The following STPG2 variants were observed in gnomAD, a reference collection of about 807,000 sequenced individuals.
The protein encoded by STPG2 is sperm tail PG-rich repeat containing 2.
Under a neutral mutation model 54.2 loss-of-function variants are expected in STPG2, and 56 were observed. The ratio of observed to expected loss-of-function variants is 1.03; its 90% CI spans 0.83 to 1.29. The LOEUF (loss-of-function observed/expected upper bound fraction) is 1.29, where lower values mean the gene tolerates loss of function less well. Ranked by LOEUF, STPG2 falls within the 50% of genes most tolerant of loss-of-function variation. STPG2 has a pLI of 0.00. For synonymous variants in STPG2, 200 were observed against 181.8 expected, an observed-to-expected ratio of 1.10 and a Z score of -0.81; for missense variants, 596 against 544.9, an observed-to-expected ratio of 1.09 and a Z score of -0.93.
At chr4:97,892,241 C>A (rs1283486219) in intron 8 of STPG2, among the ~76,000 whole-genome samples, 2 of 152,034 alleles carry the variant, frequency 1.3e-5, no homozygotes, top group Non-Finnish European at 2.9e-5. Context: ...ACAATAAGTC[C>A]ATTTTTAAGA....
At chr4:97,533,445 T>C (rs1731460693) in intron 4 of STPG2, among the ~76,000 whole-genome samples, 1 of 152,088 alleles carries the variant, frequency 6.6e-6, no homozygotes, top group African/African-American at 2.4e-5. Flanking sequence ...AAGTGTAGTT[T>C]ATATATAATA....
chr4:97,492,505 CAT>C (rs1730523159), intron 4 of STPG2, among the ~76,000 whole-genome samples: 1 of 151,452 alleles, frequency 6.6e-6, no homozygotes, highest in Non-Finnish European at 1.5e-5. Context: ...AACATTTAAA[CAT>C]AGAATCCAAC....
chr4:97,722,133 G>T (rs1451101925), intron 9 of STPG2, among the ~76,000 whole-genome samples: 1 of 149,728 alleles, frequency 6.7e-6, no homozygotes, highest in Non-Finnish European at 1.5e-5. Flanking sequence ...CTTTGCTTCA[G>T]CAAATACTGA....
intron 5 of STPG2, among the ~76,000 whole-genome samples, chr4:98,075,177 C>G (rs1192055715): frequency 2.6e-5 from 4 of 152,110 alleles, no homozygotes; most frequent in African/African-American, 9.7e-5. Flanking sequence ...TTCTGTCTTC[C>G]CAGGAGCACC....
chr4:97,692,013 C>T (rs1258949176), intron 10 of STPG2, among the ~76,000 whole-genome samples: 4 of 151,878 alleles, frequency 2.6e-5, no homozygotes, highest in Non-Finnish European at 5.9e-5. Flanking sequence ...CCCTATGGGA[C>T]AAAAAGACAA....
Position 98,109,273 on chromosome 4 carries a change from A to G in STPG2, c.420T>C (p.Gly140=), listed in dbSNP as rs1174715784. 1.9e-6 allele frequency: 3 copies of G among 1,609,516 alleles called. No individual in the cohort carries two copies. The African/African-American group carries it at 4.0e-5, about 22-fold the overall frequency. The part of the protein sequence containing the change: ...DVSNATLKYK[G]IHFGNSSGRQ... The stretch of plus-strand genomic sequence containing the variant: ...TTCCTGAAGAGTTGCCAAAATGTAT[A>G]CCTTTGTATTTCAAAGTTGCATTGG... Residue 140 remains glycine (G), a synonymous_variant, in exon 4 of 11, where the codon GGT becomes GGC. Coordinates refer to ENST00000295268, the MANE Select transcript of STPG2 (RefSeq NM_174952.3).
intron 9 of STPG2, among the ~76,000 whole-genome samples, chr4:97,773,461 G>A (rs1340452758): frequency 1.3e-5 from 2 of 151,964 alleles, no homozygotes; most frequent in Non-Finnish European, 2.9e-5. Context: ...CTAAGTGCAT[G>A]CCCCCATGCC....
intron 5 of STPG2, among the ~76,000 whole-genome samples, chr4:98,035,102 T>A (rs1736729278): frequency 6.6e-6 from 1 of 151,876 alleles, no homozygotes; most frequent in African/African-American, 2.4e-5. Flanking sequence ...ACAAATGGGA[T>A]CTAATTAAAC....
intron 8 of STPG2, among the ~76,000 whole-genome samples, chr4:97,845,213 C>G (rs951283590): frequency 6.7e-6 from 1 of 149,728 alleles, no homozygotes; most frequent in Non-Finnish European, 1.5e-5. Flanking sequence ...GATTTTTTTT[C>G]TTTAATGAGA....
intron 9 of STPG2, among the ~76,000 whole-genome samples, chr4:97,822,615 T>C (rs1334115736): frequency 2.0e-5 from 3 of 152,232 alleles, no homozygotes; most frequent in Non-Finnish European, 4.4e-5. Flanking sequence ...TGTACAAGCA[T>C]AGTGCTGATA....
At chr4:97,474,660 T>C (rs1730027780) in intron 4 of STPG2, among the ~76,000 whole-genome samples, 1 of 152,158 alleles carries the variant, frequency 6.6e-6, no homozygotes, top group Admixed American at 6.5e-5. Flanking sequence ...CCTACATTAA[T>C]GTCATTACTT....
chr4:97,671,865 T>A lies in STPG2; in HGVS notation c.1320+40834A>T, dbSNP rs553780061. On this transcript the variant is annotated intron_variant, in intron 10 of 10. Transcript: ENST00000295268. ...ACAAAAAGAAAACCCTGAAGAATTT[T>A]TTTTATTATTGCTATATTCCTAAAA... Among the ~76,000 whole-genome samples the A allele has an allele frequency of 4.6e-5, 7 of 152,314 alleles. No individual in the cohort carries two copies. In the South Asian group the frequency reaches 1.2e-3, roughly 27 times the overall value.
intron 9 of STPG2, among the ~76,000 whole-genome samples, chr4:97,759,935 A>G (rs1026272085): frequency 1.3e-5 from 2 of 152,138 alleles, no homozygotes; most frequent in African/African-American, 4.8e-5. Flanking sequence ...TAAAATTAAC[A>G]TAAGTTTCCT....
chr4:98,045,529 T>C (rs1181931950), intron 5 of STPG2, among the ~76,000 whole-genome samples: 1 of 152,148 alleles, frequency 6.6e-6, no homozygotes, highest in Non-Finnish European at 1.5e-5. Context: ...GTAAAACAAG[T>C]CTAGTGGTGA....
intron 9 of STPG2, among the ~76,000 whole-genome samples, chr4:97,827,901 G>A (rs1053106135): frequency 3.3e-5 from 5 of 151,996 alleles, no homozygotes; most frequent in African/African-American, 7.3e-5. Flanking sequence ...TGACAGGCCC[G>A]GGAGCCCCAA....
At chr4:97,517,155 G>A (rs1372393418) in intron 4 of STPG2, among the ~76,000 whole-genome samples, 4 of 151,890 alleles carry the variant, frequency 2.6e-5, no homozygotes, top group East Asian at 2.0e-4. Context: ...TGATTCGCCC[G>A]ACTTGGCCTC....
At chr4:97,879,696 A>T (rs753678834) in intron 8 of STPG2, among the ~76,000 whole-genome samples, 3 of 152,170 alleles carry the variant, frequency 2.0e-5, no homozygotes, top group Non-Finnish European at 4.4e-5. Context: ...CACAGCCAAT[A>T]GATACATATA....
chr4:97,605,999 T>C (rs1005846217), intron 10 of STPG2, among the ~76,000 whole-genome samples: 5 of 151,990 alleles, frequency 3.3e-5, no homozygotes, highest in Non-Finnish European at 5.9e-5. Flanking sequence ...AGATCTAATT[T>C]TTATTCCTAG....
At chr4:97,923,290 G>A (rs1042084279) in intron 8 of STPG2, among the ~76,000 whole-genome samples, 10 of 144,492 alleles carry the variant, frequency 6.9e-5, no homozygotes, top group Non-Finnish European at 1.2e-4. Context: ...TGTGCGCAGC[G>A]CTTCCCCTCC....
Sources: allele counts gnomAD v4.1 joint callset (sites outside exome capture counted in the v4.1 genomes callset), GRCh38; gene constraint gnomAD v4.1.1; transcripts MANE v1.5; gene names NCBI Gene and HGNC (gene_info 2026-07-23, HGNC 2026-07-21).